Variants in ADAMTS17 observed in about 807,000 individuals in gnomAD.
The protein encoded by ADAMTS17 is A disintegrin and metalloproteinase with thrombospondin motifs 17.
ADAMTS17 carries 113 observed loss-of-function variants against 141.5 expected under a neutral mutation model. The observed-to-expected ratio is 0.80, with a 90% CI of 0.69 to 0.93. The LOEUF (loss-of-function observed/expected upper bound fraction) is 0.93, where lower values mean the gene tolerates loss of function less well. Among genes scored for constraint, ADAMTS17 ranks in the 40% least tolerant of loss-of-function variants. The probability of loss-of-function intolerance (pLI) is 0.00; values close to 1 mark genes in which losing one functional copy is unlikely to be tolerated. For synonymous variants in ADAMTS17, 768 were observed against 630.6 expected (o/e 1.22, Z -3.27); for missense variants, 1,659 against 1,517.9 (o/e 1.09, Z -1.54).
chr15:100,200,314 G>A (rs2041277482), intron 7 of ADAMTS17, among the ~76,000 whole-genome samples: 1 of 152,108 alleles, frequency 6.6e-6, no homozygotes, highest in African/African-American at 2.4e-5. Flanking sequence ...TTTGGCAGAG[G>A]GACGCATAGG....
intron 15 of ADAMTS17, among the ~76,000 whole-genome samples, chr15:100,076,286 A>C (rs1293989723): frequency 6.6e-6 from 1 of 152,074 alleles, no homozygotes; most frequent in Non-Finnish European, 1.5e-5. Flanking sequence ...CAGGTGATCC[A>C]CCTGCCCCGG....
At chr15:100,289,514 C>T (rs1236316127) in intron 3 of ADAMTS17, among the ~76,000 whole-genome samples, 1 of 150,244 alleles carries the variant, frequency 6.7e-6, no homozygotes, top group African/African-American at 2.5e-5. Flanking sequence ...GATGCCAAAA[C>T]CTTGCAGACA....
At chr15:100,105,780 C>A (rs1386828758) in intron 14 of ADAMTS17, among the ~76,000 whole-genome samples, 1 of 152,054 alleles carries the variant, frequency 6.6e-6, no homozygotes. Flanking sequence ...CTCCACTTCC[C>A]AGGTTCAAGC....
At chr15:100,071,899 T>C (rs2033998467) in intron 15 of ADAMTS17, among the ~76,000 whole-genome samples, 1 of 150,276 alleles carries the variant, frequency 6.7e-6, no homozygotes, top group Admixed American at 6.7e-5. Context: ...TTGGAAGTTC[T>C]GGCCAGGGCA....
intron 12 of ADAMTS17, among the ~76,000 whole-genome samples, chr15:100,127,984 C>G (rs1405386672): frequency 6.6e-6 from 1 of 152,026 alleles, no homozygotes; most frequent in Non-Finnish European, 1.5e-5. Flanking sequence ...CTAAGGGAAC[C>G]CAGTGCGTGG....
chr15:100,179,461 G>A (rs2040449854), intron 8 of ADAMTS17, among the ~76,000 whole-genome samples: 1 of 152,030 alleles, frequency 6.6e-6, no homozygotes, highest in Non-Finnish European at 1.5e-5. Context: ...GAACACTTTG[G>A]TTGCTTCCAA....
intron 3 of ADAMTS17, among the ~76,000 whole-genome samples, chr15:100,311,295 C>A (rs1296890816): frequency 6.6e-6 from 1 of 152,176 alleles, no homozygotes; most frequent in African/African-American, 2.4e-5. Flanking sequence ...TCTCCACCCC[C>A]ACCGCCCCCT....
chr15:99,980,909 T>G (rs1315914337), intron 20 of ADAMTS17: 1 of 152,262 alleles, frequency 6.6e-6, no homozygotes, highest in African/African-American at 2.4e-5. Context: ...AAGGCTGACA[T>G]GTGGCACGTC....
At chr15:99,996,758 C>T (rs1292955559) in intron 19 of ADAMTS17, among the ~76,000 whole-genome samples, 2 of 151,964 alleles carry the variant, frequency 1.3e-5, no homozygotes, top group Admixed American at 6.5e-5. Flanking sequence ...GGAAGCCTGC[C>T]CTTTATTCAG....
intron 14 of ADAMTS17, among the ~76,000 whole-genome samples, chr15:100,107,123 G>C (rs1353947049): frequency 1.3e-5 from 2 of 152,218 alleles, no homozygotes; most frequent in Admixed American, 1.3e-4. Context: ...AAAAGCATCT[G>C]TTTGGGTGGA....
intron 20 of ADAMTS17, among the ~76,000 whole-genome samples, chr15:99,990,902 C>A (rs939586192): frequency 6.6e-6 from 1 of 152,130 alleles, no homozygotes; most frequent in African/African-American, 2.4e-5. Context: ...ACAACCCTGA[C>A]AAAAACAAGC....
chr15:100,225,940 C>T (rs1198896532), intron 7 of ADAMTS17, among the ~76,000 whole-genome samples: 2 of 145,474 alleles, frequency 1.4e-5, no homozygotes, highest in South Asian at 2.2e-4. Flanking sequence ...GGTCTCTGTG[C>T]CATTCAGTCC....
intron 6 of ADAMTS17, chr15:100,256,693 GGCC>G (rs1161498433): frequency 6.6e-6 from 1 of 152,668 alleles, no homozygotes; most frequent in Non-Finnish European, 1.5e-5. Context: ...TGCAGCTTCG[GGCC>G]AGCTGTGTCT....
intron 2 of ADAMTS17, among the ~76,000 whole-genome samples, chr15:100,335,099 G>A (rs979369460): frequency 6.6e-6 from 1 of 152,112 alleles, no homozygotes; most frequent in Non-Finnish European, 1.5e-5. Context: ...GAACTTGTGA[G>A]AAATGCAAGC....
intron 7 of ADAMTS17, among the ~76,000 whole-genome samples, chr15:100,243,856 C>A (rs2042905974): frequency 1.4e-5 from 2 of 145,124 alleles, no homozygotes; most frequent in Non-Finnish European, 3.0e-5. Flanking sequence ...AAGTGGTCAT[C>A]CTAATGAGTG....
chr15:100,324,542 A>C (rs529738860), intron 3 of ADAMTS17, among the ~76,000 whole-genome samples: 4 of 152,212 alleles, frequency 2.6e-5, no homozygotes, highest in African/African-American at 9.6e-5. Context: ...TGTTCGCCAT[A>C]GTATGCAAAT....
At chr15:100,039,783 C>T (rs1025295629) in intron 18 of ADAMTS17, among the ~76,000 whole-genome samples, 77 of 152,264 alleles carry the variant, frequency 5.1e-4, no homozygotes, top group African/African-American at 1.8e-3. Context: ...CTTGTTGATA[C>T]ACCTTGTTTT....
chr15:100,330,898 C>T lies in ADAMTS17; in HGVS notation c.607G>A (p.Val203Ile), dbSNP rs759107943. ...TGCTGCCCCGACTCACCTGTTAGAACCTTGCAGAGCTGCTCAGGTCTCTGG... is the reference window on the plus strand; with the variant it reads ...TGCTGCCCCGACTCACCTGTTAGAATCTTGCAGAGCTGCTCAGGTCTCTGG... ...EAQRPEQLCK[V>I]LTEKKKPTWG... The change falls in exon 3 of 22, where the codon GTT becomes ATT. Residue 203 changes from valine (V) to isoleucine (I), a missense_variant. Transcript: ENST00000268070. The T allele has an allele frequency of 6.8e-6, 11 of 1,614,032 alleles. No homozygotes were observed. Among genetic ancestry groups the T allele is most frequent in the Non-Finnish European group, 9.3e-6 (11 of 1,180,034 alleles).
chr15:100,031,714 C>T lies in ADAMTS17; in HGVS notation c.2591+17143G>A, dbSNP rs754574079. ...ATTCTGGGATGACTGAGGCACATTC[C>T]CTCCACCAGTATCAAACAATCCATT... On this transcript the variant is annotated intron_variant, in intron 18 of 21. Transcript: ENST00000268070. Among the ~76,000 whole-genome samples, 47 of 152,302 alleles carry T rather than the reference C, an allele frequency of 3.1e-4. No homozygotes were observed. In the Middle Eastern group the frequency reaches 0.017, roughly 55 times the overall value.
Sources: allele counts gnomAD v4.1 joint callset (sites outside exome capture counted in the v4.1 genomes callset), GRCh38; gene constraint gnomAD v4.1.1; transcripts MANE v1.5; gene names NCBI Gene and HGNC (gene_info 2026-07-23, HGNC 2026-07-21).